The following PPFIA2 variants were observed in gnomAD, a reference collection of about 807,000 sequenced individuals.
PPFIA2 encodes liprin-alpha-2.
PPFIA2 carries 46 observed loss-of-function variants against 175.5 expected under a neutral mutation model. The ratio of observed to expected loss-of-function variants is 0.26; its 90% CI spans 0.21 to 0.34. The LOEUF (loss-of-function observed/expected upper bound fraction) is 0.34. Ranked by LOEUF, PPFIA2 falls within the 10% of genes least tolerant of loss-of-function variation. The pLI, the probability that PPFIA2 is intolerant of heterozygous loss-of-function variation, is 1.00. For missense variants in PPFIA2, 1,179 were observed against 1,506.1 expected (o/e 0.78, Z 3.60); for synonymous variants, 568 against 511.4 (o/e 1.11, Z -1.49).
At chr12:81,714,160 A>T (rs2078293637) in intron 3 of PPFIA2, among the ~76,000 whole-genome samples, 1 of 151,140 alleles carries the variant, frequency 6.6e-6, no homozygotes, top group African/African-American at 2.4e-5. Flanking sequence ...ACCAAATGGT[A>T]AATATGTATA....
chr12:81,286,140 G>T (rs1372727800), intron 24 of PPFIA2, among the ~76,000 whole-genome samples: 1 of 151,922 alleles, frequency 6.6e-6, no homozygotes, highest in Non-Finnish European at 1.5e-5. Context: ...TATAAAGAAA[G>T]ATATTAATTT....
chr12:81,645,976 T>C (rs1280541500), intron 4 of PPFIA2, among the ~76,000 whole-genome samples: 2 of 152,196 alleles, frequency 1.3e-5, no homozygotes, highest in Non-Finnish European at 2.9e-5. Context: ...CCTGCTTTGA[T>C]AACCAAAGCC....
intron 3 of PPFIA2, among the ~76,000 whole-genome samples, chr12:81,751,957 C>CT (rs1338663791): frequency 6.6e-6 from 1 of 152,076 alleles, no homozygotes; most frequent in Admixed American, 6.5e-5. Context: ...ATCCAAATTA[C>CT]TTTCAGATGT....
chr12:81,747,559 A>C (rs987118033), intron 3 of PPFIA2, among the ~76,000 whole-genome samples: 2 of 144,212 alleles, frequency 1.4e-5, no homozygotes, highest in African/African-American at 4.9e-5. Flanking sequence ...TAATATCAGC[A>C]ACAATAGCTA....
At chr12:81,733,410 TA>T (rs1217823564) in intron 3 of PPFIA2, among the ~76,000 whole-genome samples, 2 of 151,780 alleles carry the variant, frequency 1.3e-5, no homozygotes, top group East Asian at 3.9e-4. Context: ...ATTGAGCCTA[TA>T]GTTAATACTG....
intron 21 of PPFIA2, among the ~76,000 whole-genome samples, chr12:81,338,665 T>G (rs866955987): frequency 1.8e-4 from 28 of 152,138 alleles, no homozygotes; most frequent in African/African-American, 6.3e-4. Context: ...TTCTAACTTT[T>G]TAAAAATTCT....
chr12:81,468,121 T>C (rs1362437874), intron 4 of PPFIA2, among the ~76,000 whole-genome samples: 1 of 152,150 alleles, frequency 6.6e-6, no homozygotes, highest in East Asian at 1.9e-4. Flanking sequence ...AAAACCTTGT[T>C]CTGGTCTTAT....
intron 4 of PPFIA2, among the ~76,000 whole-genome samples, chr12:81,674,684 AT>A (rs1355344454): frequency 3.3e-5 from 5 of 152,012 alleles, no homozygotes; most frequent in African/African-American, 9.7e-5. Flanking sequence ...TTTTTTTTTA[AT>A]TTTAAAAAGG....
chr12:81,648,002 GA>G (rs889230756), intron 4 of PPFIA2, among the ~76,000 whole-genome samples: 21 of 139,220 alleles, frequency 1.5e-4, no homozygotes, highest in South Asian at 6.7e-4. Context: ...TAACCAAAAG[GA>G]AAAAAAAAAC....
At chr12:81,625,078 G>A (rs1383820078) in intron 4 of PPFIA2, among the ~76,000 whole-genome samples, 1 of 151,616 alleles carries the variant, frequency 6.6e-6, no homozygotes, top group Non-Finnish European at 1.5e-5. Context: ...ATTATATAAA[G>A]ACTATATTAT....
chr12:81,564,171 A>T (rs1198381615), intron 4 of PPFIA2, among the ~76,000 whole-genome samples: 3 of 152,238 alleles, frequency 2.0e-5, no homozygotes, highest in Non-Finnish European at 2.9e-5. Flanking sequence ...AACATTGTAC[A>T]TAGAAATCAT....
chr12:81,339,129 G>T, intron 21 of PPFIA2, 51 bp downstream of exon 21: 1 of 1,425,388 alleles, frequency 7.0e-7, no homozygotes, highest in South Asian at 1.6e-5. Flanking sequence ...TGGATACTGT[G>T]ACATGACTAA....
intron 23 of PPFIA2, among the ~76,000 whole-genome samples, chr12:81,297,729 C>T (rs2046840681): frequency 1.3e-5 from 2 of 152,318 alleles, no homozygotes; most frequent in East Asian, 3.9e-4. Context: ...CAAATGCCTG[C>T]CAATACATTG....
rs1366929600 is a variant in PPFIA2 at position 81,429,090 on chromosome 12, C to T, written c.645+10882G>A. Among the ~76,000 whole-genome samples, 9 of 151,994 alleles carry T rather than the reference C, an allele frequency of 5.9e-5. 1 individual carries two copies. The South Asian group carries it at 1.7e-3, about 28-fold the overall frequency. On this transcript the variant is annotated intron_variant, in intron 7 of 32. Coordinates refer to ENST00000549396, the MANE Select transcript of PPFIA2 (RefSeq NM_003625.5). ...GTCATGGAATTTACTAATATGATTC[C>T]TAATGTTTAAAATAAGCTAATCAGT...
At chr12:81,310,318 C>T (rs1205444735) in intron 22 of PPFIA2, among the ~76,000 whole-genome samples, 1 of 152,072 alleles carries the variant, frequency 6.6e-6, no homozygotes, top group Non-Finnish European at 1.5e-5. Flanking sequence ...CTATGTTGTA[C>T]TATCTTCCCT....
At chr12:81,586,962 A>G (rs1168972791) in intron 4 of PPFIA2, among the ~76,000 whole-genome samples, 1 of 152,012 alleles carries the variant, frequency 6.6e-6, no homozygotes, top group Non-Finnish European at 1.5e-5. Flanking sequence ...TACTTTTACA[A>G]GATTCCATAT....
In PPFIA2 at chr12:81,277,979, T is replaced by C. The variant is rs572349852; in HGVS notation, c.3213-565A>G. 1.1e-4 allele frequency among the ~76,000 whole-genome samples: 16 copies of C among 152,298 alleles called. No homozygotes were observed. In the East Asian group the frequency reaches 2.9e-3, roughly 28 times the overall value. On this transcript the variant is annotated intron_variant, in intron 27 of 32. Coordinates refer to ENST00000549396, the MANE Select transcript of PPFIA2 (RefSeq NM_003625.5). ...ATATGTGGAATGAGCAGAAAATTGA[T>C]TGATCCTTAAAGTATCAAGTAGCAG... is the stretch of plus-strand genomic sequence containing the variant.
intron 3 of PPFIA2, among the ~76,000 whole-genome samples, chr12:81,706,228 A>C (rs1005534850): frequency 1.3e-5 from 2 of 152,216 alleles, no homozygotes; most frequent in African/African-American, 2.4e-5. Flanking sequence ...ATGTAATATA[A>C]ATAAGGAAGC....
chr12:81,356,169 TG>T (rs1468193231), intron 16 of PPFIA2, among the ~76,000 whole-genome samples: 2 of 152,120 alleles, frequency 1.3e-5, no homozygotes, highest in Non-Finnish European at 2.9e-5. Context: ...TGTTGTGTCT[TG>T]GGGAATACAA....
Sources: allele counts gnomAD v4.1 joint callset (sites outside exome capture counted in the v4.1 genomes callset), GRCh38; gene constraint gnomAD v4.1.1; transcripts MANE v1.5; gene names NCBI Gene and HGNC (gene_info 2026-07-23, HGNC 2026-07-21).